CADPS2: variants seen among roughly 807,000 people sequenced by gnomAD.
The protein encoded by CADPS2 is calcium dependent secretion activator 2, also known as calcium-dependent secretion activator 2.
In CADPS2, 93 loss-of-function variants were observed where a neutral mutation model predicts 172.5. The ratio of observed to expected loss-of-function variants is 0.54; its 90% CI spans 0.46 to 0.64. CADPS2 has a LOEUF of 0.64. Among genes scored for constraint, CADPS2 ranks in the 30% least tolerant of loss-of-function variants. The pLI is 0.00. For missense variants in CADPS2, 1,420 were observed against 1,565.9 expected (o/e 0.91, Z 1.57); for synonymous variants, 546 against 555.2 (o/e 0.98, Z 0.23).
Position 122,396,243 on chromosome 7 carries a change from C to G in CADPS2, c.2747-2661G>C, listed in dbSNP as rs548937811. On this transcript the variant is annotated intron_variant, in intron 20 of 29. Transcript: ENST00000449022. The stretch of plus-strand genomic sequence containing the variant: ...TCCTTGTTAACCTCTATAAAACTAC[C>G]ATTCCTCACTCTGACAACCAATTAG... Among the ~76,000 whole-genome samples, 423 of 152,248 alleles carry G rather than the reference C, an allele frequency of 2.8e-3. 2 individuals are homozygous for G. Among genetic ancestry groups the G allele is most frequent in the Non-Finnish European group, 4.4e-3 (301 of 68,014 alleles).
chr7:122,708,461 G>GATATATATATATATAT (rs3034549), intron 2 of CADPS2, among the ~76,000 whole-genome samples: 14 of 128,234 alleles, frequency 1.1e-4, no homozygotes, highest in African/African-American at 3.7e-4. Context: ...TATGTGTGTG[G>GATATATATATATATAT]ATATATATAT....
chr7:122,712,738 G>T (rs764016488), intron 2 of CADPS2, among the ~76,000 whole-genome samples: 1 of 152,064 alleles, frequency 6.6e-6, no homozygotes, highest in Non-Finnish European at 1.5e-5. Context: ...TCTGGAGGCC[G>T]AGAAGTCCAG....
intron 6 of CADPS2, among the ~76,000 whole-genome samples, chr7:122,602,049 A>G (rs1223127304): frequency 1.3e-5 from 2 of 152,052 alleles, no homozygotes; most frequent in African/African-American, 4.8e-5. Flanking sequence ...TCATGGATAT[A>G]TAAATAATAG....
chr7:122,320,096 G>T lies in CADPS2; in HGVS notation c.*69C>A. ...AAACAAACAATGAATGTAATTACAA[G>T]GACAAGGTTAAAAAAATAAAAAACA... On this transcript the variant is annotated 3_prime_UTR_variant, in exon 30 of 30. Coordinates refer to ENST00000449022, the MANE Select transcript of CADPS2 (RefSeq NM_017954.11). The T allele has an allele frequency of 7.5e-7, 1 of 1,340,436 alleles. No homozygotes were observed. Among genetic ancestry groups the T allele is most frequent in the Non-Finnish European group, 9.8e-7 (1 of 1,023,918 alleles). The allele number at this position is 1,340,436 out of a possible 1,614,324, so 83.0% of individuals were successfully genotyped here.
intron 25 of CADPS2, among the ~76,000 whole-genome samples, chr7:122,367,394 T>A (rs1448380826): frequency 1.3e-5 from 2 of 151,740 alleles, no homozygotes; most frequent in African/African-American, 2.4e-5. Flanking sequence ...TTGGCAATAA[T>A]TGAGAATCTA....
rs563442108 is a variant in CADPS2, at chr7:122,692,397, G to A, written c.454-28828C>T. ...CCTGCGCTGCATCCTGCAGGGACTGGGCATGCAATTCCTGCAGCACAGTTA... is the reference window on the plus strand; with the variant it reads ...CCTGCGCTGCATCCTGCAGGGACTGAGCATGCAATTCCTGCAGCACAGTTA... On this transcript the variant is annotated intron_variant, in intron 2 of 29. Transcript: ENST00000449022. Among the ~76,000 whole-genome samples, 6 of 152,268 alleles carry A rather than the reference G, an allele frequency of 3.9e-5. 1 individual carries two copies. The highest frequency in any genetic ancestry group is 1.2e-4 in the African/African-American group (5 of 41,548).
At position 122,663,269 on chromosome 7, in the gene CADPS2, G is replaced by A; in HGVS notation, c.754C>T (p.Leu252=). ...GCATTATAAAGGAGCTGGTGTTCCA[G>A]TTTTTTAATACCCAGAATCTGCTGA... ...MFQQILGIKK[L]EHQLLYNACQ... Residue 252 remains leucine, a synonymous_variant, in exon 3 of 30, where the codon CTG becomes TTG. Transcript: ENST00000449022. 1 of 1,613,522 alleles carries A rather than the reference G, an allele frequency of 6.2e-7. No individual in the cohort carries two copies. Among genetic ancestry groups the A allele is most frequent in the Non-Finnish European group, 8.5e-7 (1 of 1,179,616 alleles).
chr7:122,752,586 G>T (rs2092995080), intron 1 of CADPS2, among the ~76,000 whole-genome samples: 1 of 152,106 alleles, frequency 6.6e-6, no homozygotes, highest in Non-Finnish European at 1.5e-5. Context: ...ATAACCCAAA[G>T]ACATAGATGT....
intron 8 of CADPS2, among the ~76,000 whole-genome samples, chr7:122,532,014 G>C (rs2061796492): frequency 6.8e-6 from 1 of 146,100 alleles, no homozygotes; most frequent in Admixed American, 6.9e-5. Context: ...CTGGGTGACA[G>C]AGCAAGACTC....
intron 11 of CADPS2, among the ~76,000 whole-genome samples, chr7:122,487,103 C>T (rs758425697): frequency 2.7e-5 from 4 of 150,014 alleles, no homozygotes; most frequent in African/African-American, 4.9e-5. Flanking sequence ...CTCCACCCCT[C>T]GGGTTCAAGC....
intron 1 of CADPS2, among the ~76,000 whole-genome samples, chr7:122,856,993 C>T (rs867892177): frequency 4.6e-5 from 7 of 152,102 alleles, no homozygotes; most frequent in Admixed American, 1.3e-4. Context: ...TATTGTGAAA[C>T]CCAGCCCTCC....
At chr7:122,810,067 G>A (rs906186859) in intron 1 of CADPS2, among the ~76,000 whole-genome samples, 2 of 152,008 alleles carry the variant, frequency 1.3e-5, no homozygotes, top group Admixed American at 6.6e-5. Flanking sequence ...TAGAGGACCT[G>A]ATTAAATTTG....
At chr7:122,851,815 A>G (rs1381499657) in intron 1 of CADPS2, among the ~76,000 whole-genome samples, 1 of 152,180 alleles carries the variant, frequency 6.6e-6, no homozygotes, top group African/African-American at 2.4e-5. Flanking sequence ...ACCTCCCACT[A>G]GATCCCTCCC....
chr7:122,721,224 C>T (rs796870204), intron 2 of CADPS2, among the ~76,000 whole-genome samples: 107 of 152,102 alleles, frequency 7.0e-4, no homozygotes, highest in African/African-American at 2.4e-3. Context: ...ACACAAAAAA[C>T]CCTTCAAAAA....
chr7:122,610,448 G>C (rs1344306822), intron 6 of CADPS2, among the ~76,000 whole-genome samples: 1 of 151,250 alleles, frequency 6.6e-6, no homozygotes, highest in Non-Finnish European at 1.5e-5. Context: ...AAAAAATCCA[G>C]ATACAAAGAC....
At chr7:122,547,519 C>G (rs1364341619) in intron 8 of CADPS2, among the ~76,000 whole-genome samples, 2 of 152,102 alleles carry the variant, frequency 1.3e-5, no homozygotes, top group Non-Finnish European at 2.9e-5. Context: ...AAAAAAAATT[C>G]ATCAATTCAA....
At chr7:122,885,943 C>T in intron 1 of CADPS2, 56 bp downstream of exon 1, 1 of 1,559,128 alleles carries the variant, frequency 6.4e-7, no homozygotes, top group Non-Finnish European at 8.7e-7. Context: ...AGAGCTCTCC[C>T]GGGAGAAAAA....
At chr7:122,558,669 T>C (rs2132122607) in intron 7 of CADPS2, among the ~76,000 whole-genome samples, 1 of 152,198 alleles carries the variant, frequency 6.6e-6, no homozygotes, top group South Asian at 2.1e-4. Flanking sequence ...AACTAAGACT[T>C]AAAAAAATGA....
At chr7:122,387,426 A>G (rs1042820171) in intron 23 of CADPS2, among the ~76,000 whole-genome samples, 4 of 152,056 alleles carry the variant, frequency 2.6e-5, no homozygotes, top group Non-Finnish European at 5.9e-5. Context: ...ACCCAAATGA[A>G]GCTTTTTGTT....
Sources: gnomAD v4.1 joint callset for allele counts (sites outside exome capture counted in the v4.1 genomes callset) on GRCh38, gnomAD v4.1.1 for gene constraint, MANE v1.5 for transcripts, NCBI Gene and HGNC (gene_info 2026-07-23, HGNC 2026-07-21) for gene names.